The following EML4 variants were observed in gnomAD, a reference collection of about 807,000 sequenced individuals.
EML4 encodes echinoderm microtubule-associated protein-like 4.
Under a neutral mutation model 129.0 loss-of-function variants are expected in EML4, and 72 were observed. That is an observed-to-expected ratio of 0.56 (90% CI 0.46 to 0.68). The LOEUF (loss-of-function observed/expected upper bound fraction) is 0.68, where lower values mean the gene tolerates loss of function less well. Among genes scored for constraint, EML4 ranks in the 30% least tolerant of loss-of-function variants. EML4 has a pLI of 0.00. For missense variants in EML4, 1,363 were observed against 1,190.6 expected (o/e 1.14, Z -2.13); for synonymous variants, 532 against 405.0 (o/e 1.31, Z -3.77).
chr2:42,193,521 C>G (rs1209734010), intron 1 of EML4, among the ~76,000 whole-genome samples: 2 of 152,236 alleles, frequency 1.3e-5, no homozygotes, highest in Admixed American at 1.3e-4. Flanking sequence ...TTCTTAGGGC[C>G]AAACCCAATC....
intron 1 of EML4, among the ~76,000 whole-genome samples, chr2:42,228,618 A>G (rs940942613): frequency 3.9e-5 from 6 of 152,158 alleles, no homozygotes; most frequent in African/African-American, 1.2e-4. Flanking sequence ...AAAATTTCTC[A>G]TGAGTATTTT....
At chr2:42,298,444 A>C (rs752337431) in intron 13 of EML4, among the ~76,000 whole-genome samples, 2 of 152,226 alleles carry the variant, frequency 1.3e-5, no homozygotes, top group Non-Finnish European at 2.9e-5. Flanking sequence ...AGGGATTTCA[A>C]ACATTATTTG....
intron 1 of EML4, among the ~76,000 whole-genome samples, chr2:42,212,752 C>A (rs961198347): frequency 2.9e-4 from 44 of 152,112 alleles, no homozygotes; most frequent in African/African-American, 1.0e-3. Flanking sequence ...CAGTGTTTCT[C>A]CCAGGGCACC....
At chr2:42,211,001 A>G (rs1190710660) in intron 1 of EML4, among the ~76,000 whole-genome samples, 2 of 152,222 alleles carry the variant, frequency 1.3e-5, no homozygotes, top group East Asian at 1.9e-4. Flanking sequence ...CTTTCTTCTC[A>G]AAGTAATCAG....
intron 1 of EML4, among the ~76,000 whole-genome samples, chr2:42,190,401 G>A (rs1671517115): frequency 6.6e-6 from 1 of 152,064 alleles, no homozygotes; most frequent in South Asian, 2.1e-4. Flanking sequence ...ATATTTTGAG[G>A]GGCCTATGGA....
chr2:42,274,101 T>G (rs1319073902), intron 6 of EML4, among the ~76,000 whole-genome samples: 1 of 152,210 alleles, frequency 6.6e-6, no homozygotes, highest in African/African-American at 2.4e-5. Context: ...CTCTGTGGTT[T>G]TGGGAAGTAG....
intron 1 of EML4, among the ~76,000 whole-genome samples, chr2:42,212,245 A>G (rs562627269): frequency 2.0e-5 from 3 of 152,326 alleles, no homozygotes; most frequent in Middle Eastern, 3.4e-3. Context: ...TAAGATAAAA[A>G]TGTTTTTGTT....
intron 22 of EML4, 39 bp from the exon 23 acceptor site, chr2:42,329,695 G>T: frequency 6.5e-7 from 1 of 1,545,360 alleles, no homozygotes; most frequent in Non-Finnish European, 8.9e-7. Flanking sequence ...TGTCAAGAAT[G>T]AGTTTAATTT....
intron 13 of EML4, among the ~76,000 whole-genome samples, chr2:42,297,951 A>C (rs889432081): frequency 6.6e-6 from 1 of 152,190 alleles, no homozygotes; most frequent in Non-Finnish European, 1.5e-5. Flanking sequence ...TGAATCTTCA[A>C]AGTAATTAGT....
chr2:42,258,437 G>C (rs981145723), intron 3 of EML4, among the ~76,000 whole-genome samples: 1 of 151,438 alleles, frequency 6.6e-6, no homozygotes, highest in Admixed American at 6.6e-5. Context: ...TTCTGCTCTT[G>C]TTGCCCAGGC....
At chr2:42,294,410 T>C (rs1667829634) in intron 11 of EML4, among the ~76,000 whole-genome samples, 2 of 152,196 alleles carry the variant, frequency 1.3e-5, no homozygotes, top group African/African-American at 4.8e-5. Flanking sequence ...AAACATTTTG[T>C]TGAGGCTGGG....
At chr2:42,315,375 A>G (rs1488167062) in intron 17 of EML4, among the ~76,000 whole-genome samples, 1 of 152,164 alleles carries the variant, frequency 6.6e-6, no homozygotes, top group African/African-American at 2.4e-5. Context: ...CTGATCCTGT[A>G]TTTCTGTTTT....
chr2:42,280,364 A>G (rs926069539), intron 6 of EML4, among the ~76,000 whole-genome samples: 1 of 152,212 alleles, frequency 6.6e-6, no homozygotes, highest in Non-Finnish European at 1.5e-5. Flanking sequence ...AGGACTTTAT[A>G]GTATCACTTT....
chr2:42,291,043 G>T (rs1276886454), intron 11 of EML4, among the ~76,000 whole-genome samples: 3 of 152,204 alleles, frequency 2.0e-5, no homozygotes, highest in Non-Finnish European at 1.5e-5. Context: ...TTAAGACATT[G>T]TGATACAAAC....
At chr2:42,178,611 C>G (rs769419004) in intron 1 of EML4, among the ~76,000 whole-genome samples, 10 of 152,154 alleles carry the variant, frequency 6.6e-5, no homozygotes, top group Non-Finnish European at 1.5e-4. Flanking sequence ...TGGTGCCTGT[C>G]ACGTGAGAGA....
At chr2:42,299,926 T>C (rs1668186045) in intron 13 of EML4, among the ~76,000 whole-genome samples, 1 of 152,202 alleles carries the variant, frequency 6.6e-6, no homozygotes, top group African/African-American at 2.4e-5. Context: ...CCTCAGGTGA[T>C]CCACCCACCT....
intron 1 of EML4, among the ~76,000 whole-genome samples, chr2:42,217,999 A>C (rs926898130): frequency 6.6e-6 from 1 of 152,124 alleles, no homozygotes; most frequent in Non-Finnish European, 1.5e-5. Context: ...TGTAGTCTGT[A>C]ATGAAGTGGG....
chr2:42,173,611 G>C (rs1670404354), intron 1 of EML4, among the ~76,000 whole-genome samples: 1 of 152,176 alleles, frequency 6.6e-6, no homozygotes, highest in Non-Finnish European at 1.5e-5. Context: ...CACTTTGGGA[G>C]GCTGAGGTGG....
chr2:42,278,588 A>G (rs1666796136), intron 6 of EML4, among the ~76,000 whole-genome samples: 1 of 141,784 alleles, frequency 7.1e-6, no homozygotes, highest in African/African-American at 2.5e-5. Flanking sequence ...AAAAAAAAAA[A>G]AAAAAAAAAA....
Sources: allele counts gnomAD v4.1 joint callset (sites outside exome capture counted in the v4.1 genomes callset), GRCh38; gene constraint gnomAD v4.1.1; transcripts MANE v1.5; gene names NCBI Gene and HGNC (gene_info 2026-07-23, HGNC 2026-07-21).